Variants in PMP22 observed in about 807,000 individuals in gnomAD.
PMP22 encodes the protein peripheral myelin protein 22.
In PMP22, 2 loss-of-function variants were observed where a neutral mutation model predicts 18.9. The ratio of observed to expected loss-of-function variants is 0.11; its 90% CI spans 0.04 to 0.33. The LOEUF (loss-of-function observed/expected upper bound fraction) is 0.33. Among genes scored for constraint, PMP22 ranks in the 10% least tolerant of loss-of-function variants. PMP22 has a pLI of 1.00. For missense variants in PMP22, 169 were observed against 202.2 expected (o/e 0.84, Z 1.00); for synonymous variants, 95 against 89.2 (o/e 1.07, Z -0.37).
At chr17:15,239,644 G>C (rs1227027951) in intron 3 of PMP22, 33 bp from the exon 4 acceptor site, 1 of 1,612,644 alleles carries the variant, frequency 6.2e-7, no homozygotes. Context: ...TAGGAGAGCT[G>C]GCCATGGCCG....
chr17:15,260,570 C>T, intron 2 of PMP22, 80 bp downstream of exon 2: 2 of 1,203,280 alleles, frequency 1.7e-6, no homozygotes, highest in Non-Finnish European at 2.4e-6. Flanking sequence ...TAACACAGTC[C>T]TGAACCAGCA....
intron 1 of PMP22, 77 bp from the exon 2 acceptor site, chr17:15,260,838 C>G: frequency 9.7e-7 from 1 of 1,026,764 alleles, no homozygotes. Flanking sequence ...GAGGGTCCCG[C>G]GCACTAGCGG....
chr17:15,243,720 A>T (rs934708521), intron 3 of PMP22, among the ~76,000 whole-genome samples: 1 of 148,178 alleles, frequency 6.7e-6, no homozygotes, highest in African/African-American at 2.4e-5. Flanking sequence ...TAGAAGTATG[A>T]TATATAATTA....
chr17:15,245,196 C>G (rs1168308494), intron 3 of PMP22, among the ~76,000 whole-genome samples: 1 of 152,152 alleles, frequency 6.6e-6, no homozygotes, highest in Non-Finnish European at 1.5e-5. Context: ...CAAAGGGAAC[C>G]CCACAGGGCC....
In PMP22 at chr17:15,261,605, C is replaced by T. The variant is rs1909351117; in HGVS notation, c.-34-844G>A. The T allele has an allele frequency of 6.6e-6, 1 of 152,322 alleles. No homozygotes were observed. Among genetic ancestry groups the T allele is most frequent in the African/African-American group, 2.4e-5 (1 of 41,416 alleles). 9.4% of individuals were successfully genotyped at this position (152,322 alleles called of 1,614,324 possible). On this transcript the variant is annotated intron_variant, in intron 1 of 4. Coordinates refer to ENST00000312280, the MANE Select transcript of PMP22 (RefSeq NM_000304.4). The surrounding 1 kb of genome is among the most constrained non-coding windows in gnomAD (Gnocchi z 5.2). Reference sequence around the variant, plus strand: ...GGCACTCAAAGCCAGGACACGAACCCCAACAAGCCTGAGCTCCGGTCTGGG... The same window carrying T: ...GGCACTCAAAGCCAGGACACGAACCTCAACAAGCCTGAGCTCCGGTCTGGG...
chr17:15,246,019 C>CAAA (rs58149809), intron 3 of PMP22, among the ~76,000 whole-genome samples: 2 of 129,088 alleles, frequency 1.5e-5, no homozygotes, highest in Admixed American at 7.9e-5. Flanking sequence ...AGACTCGTCT[C>CAAA]AAAAAAAAAA....
chr17:15,264,766 T>G (rs1358315492), intron 1 of PMP22, among the ~76,000 whole-genome samples: 1 of 152,174 alleles, frequency 6.6e-6, no homozygotes, highest in Non-Finnish European at 1.5e-5. Flanking sequence ...TGACCAGGCT[T>G]GCCACACCCA....
At chr17:15,260,321 T>G (rs1456750708) in intron 2 of PMP22, 7 of 372,680 alleles carry the variant, frequency 1.9e-5, no homozygotes. Flanking sequence ...AATACTCCTC[T>G]TCTTCAACGA....
rs201682989 is a variant in PMP22, at chr17:15,259,199, G to A, written c.79-6C>T. The A allele has an allele frequency of 1.1e-3, 1,839 of 1,604,760 alleles. 7 individuals carry two copies. Among genetic ancestry groups the A allele is most frequent in the South Asian group, 4.9e-3 (447 of 90,860 alleles). ...CCATTGCCCACGATCCATTGCTAGAGAGAATCAGATAGATATCCTGAGTCA... is the reference window on the plus strand; with the variant it reads ...CCATTGCCCACGATCCATTGCTAGAAAGAATCAGATAGATATCCTGAGTCA... On this transcript the variant is annotated splice_region_variant and splice_polypyrimidine_tract_variant and intron_variant, in intron 2 of 4. Coordinates refer to ENST00000312280, the MANE Select transcript of PMP22 (RefSeq NM_000304.4).
intron 1 of PMP22, among the ~76,000 whole-genome samples, chr17:15,263,345 G>A (rs969307497): frequency 6.6e-6 from 1 of 152,140 alleles, no homozygotes; most frequent in African/African-American, 2.4e-5. Context: ...GGGCGGGTGC[G>A]AGGTGGCCAT....
At chr17:15,253,598 A>G (rs1260679089) in intron 3 of PMP22, among the ~76,000 whole-genome samples, 3 of 151,238 alleles carry the variant, frequency 2.0e-5, no homozygotes, top group African/African-American at 7.3e-5. Flanking sequence ...TGTGCACCCA[A>G]CTCCTTCCTA....
Position 15,254,920 on chromosome 17 carries a change from C to T in PMP22, c.178+4174G>A, listed in dbSNP as rs193276160. ...GTTGCAGTGAGCCAAGATGGCGCCA[C>T]TGAACTCCAGCCTGGGCAACAAGAG... On this transcript the variant is annotated intron_variant, in intron 3 of 4. Coordinates refer to ENST00000312280, the MANE Select transcript of PMP22 (RefSeq NM_000304.4). 2.9e-3 allele frequency among the ~76,000 whole-genome samples: 437 copies of T among 152,308 alleles called. 1 individual carries two copies. Among genetic ancestry groups the T allele is most frequent in the African/African-American group, 9.7e-3 (403 of 41,570 alleles).
At chr17:15,239,655 G>A in intron 3 of PMP22, 44 bp from the exon 4 acceptor site, 6 of 1,610,778 alleles carry the variant, frequency 3.7e-6, no homozygotes, top group Non-Finnish European at 5.1e-6. Context: ...GCCATGGCCG[G>A]GGGAGGGCTC....
In PMP22 at chr17:15,258,459, A is replaced by G. The variant is rs1482870734; in HGVS notation, c.178+635T>C. On this transcript the variant is annotated intron_variant, in intron 3 of 4. Transcript: ENST00000312280. This position sits in a 1 kb window ranked among gnomAD's most constrained non-coding sequence, Gnocchi z 4.1. ...TCATGAAGCCTGGCTTCCATATCTC[A>G]CAAGCAAAGATGCTGAGGACAGAGG... Among the ~76,000 whole-genome samples, 6 of 152,060 alleles carry G rather than the reference A, an allele frequency of 3.9e-5. No individual in the cohort carries two copies. The South Asian group carries it at 6.2e-4, about 16-fold the overall frequency.
intron 4 of PMP22, among the ~76,000 whole-genome samples, chr17:15,231,376 A>C (rs1906335984): frequency 6.6e-6 from 1 of 152,130 alleles, no homozygotes; most frequent in South Asian, 2.1e-4. Context: ...GCCACACTAC[A>C]TGGCCAGCAG....
chr17:15,231,201 T>G, intron 4 of PMP22, 121 bp from the exon 5 acceptor site: 1 of 985,624 alleles, frequency 1.0e-6, no homozygotes, highest in Non-Finnish European at 1.6e-6. Flanking sequence ...TGGAAGGAAA[T>G]CTGCTTCCAG....
chr17:15,239,088 T>C (rs1463795765), intron 4 of PMP22, among the ~76,000 whole-genome samples: 1 of 152,200 alleles, frequency 6.6e-6, no homozygotes, highest in Non-Finnish European at 1.5e-5. Flanking sequence ...GGAGGCATAA[T>C]GTAATCTACA....
chr17:15,238,310 G>A (rs1906983471), intron 4 of PMP22, among the ~76,000 whole-genome samples: 1 of 152,198 alleles, frequency 6.6e-6, no homozygotes, highest in Admixed American at 6.5e-5. Context: ...TTCTAGACAA[G>A]GTCACCAACA....
intron 4 of PMP22, 145 bp downstream of exon 4, chr17:15,239,326 C>T: frequency 2.2e-6 from 2 of 923,844 alleles, no homozygotes; most frequent in Admixed American, 1.8e-5. Context: ...CACATACAAG[C>T]ACCCACCCTC....
Sources: gnomAD v4.1 joint callset for allele counts (sites outside exome capture counted in the v4.1 genomes callset) on GRCh38, gnomAD v4.1.1 for gene constraint, Gnocchi (gnomAD v3.1) non-coding constraint, MANE v1.5 for transcripts, NCBI Gene and HGNC (gene_info 2026-07-23, HGNC 2026-07-21) for gene names.